Variants in PDZD2 observed in about 807,000 individuals in gnomAD.
PDZD2 encodes PDZ domain-containing protein 2.
In PDZD2, 90 loss-of-function variants were observed where a neutral mutation model predicts 220.7. The observed-to-expected ratio is 0.41, with a 90% CI of 0.34 to 0.49. The LOEUF (loss-of-function observed/expected upper bound fraction) is 0.49, where lower values mean the gene tolerates loss of function less well. Among genes scored for constraint, PDZD2 ranks in the 20% least tolerant of loss-of-function variants. The pLI is 0.28. For synonymous variants in PDZD2, 1,375 were observed against 1,450.5 expected (o/e 0.95, Z 1.18); for missense variants, 3,174 against 3,608.5 (o/e 0.88, Z 3.08).
chr5:32,024,195 C>T (rs1754439470), intron 6 of PDZD2, among the ~76,000 whole-genome samples: 1 of 152,222 alleles, frequency 6.6e-6, no homozygotes, highest in East Asian at 1.9e-4. Flanking sequence ...AAGGAAAAGT[C>T]ATATGCTGAG....
chr5:31,764,556 G>T (rs908916114), intron 1 of PDZD2, among the ~76,000 whole-genome samples: 1 of 152,124 alleles, frequency 6.6e-6, no homozygotes, highest in African/African-American at 2.4e-5. Context: ...GAGTGTTCGG[G>T]AAATCTGATG....
intron 24 of PDZD2, among the ~76,000 whole-genome samples, chr5:32,101,914 C>G (rs1744288072): frequency 6.6e-6 from 1 of 152,112 alleles, no homozygotes; most frequent in Admixed American, 6.5e-5. Flanking sequence ...TGTAATTATA[C>G]TTGCAAATAG....
chr5:32,081,076 T>TA (rs34533191), intron 19 of PDZD2, among the ~76,000 whole-genome samples: 4,641 of 142,878 alleles, frequency 0.032, 106 homozygotes, highest in Non-Finnish European at 0.052. Flanking sequence ...TCCCAGAACT[T>TA]AAAAAAAAAA....
chr5:31,916,252 C>T (rs547359351), intron 2 of PDZD2, among the ~76,000 whole-genome samples: 41 of 152,326 alleles, frequency 2.7e-4, no homozygotes, highest in South Asian at 2.3e-3. Flanking sequence ...TTGCCCTGCC[C>T]GGAGCAGGCT....
At chr5:31,896,633 C>G (rs575999098) in intron 2 of PDZD2, among the ~76,000 whole-genome samples, 2 of 152,074 alleles carry the variant, frequency 1.3e-5, no homozygotes, top group South Asian at 2.1e-4. Context: ...GAGATACATA[C>G]GAATTTTTAA....
intron 2 of PDZD2, among the ~76,000 whole-genome samples, chr5:31,827,711 A>T (rs1318048805): frequency 3.4e-5 from 4 of 117,988 alleles, no homozygotes; most frequent in African/African-American, 1.2e-4. Flanking sequence ...AAATAAATAA[A>T]AAAATAAAAA....
intron 2 of PDZD2, among the ~76,000 whole-genome samples, chr5:31,845,452 G>A (rs1392252574): frequency 2.6e-5 from 4 of 152,230 alleles, no homozygotes; most frequent in Non-Finnish European, 5.9e-5. Context: ...TGTGAACCAA[G>A]TAAGTTTCAG....
At chr5:31,886,141 C>T (rs1384965497) in intron 2 of PDZD2, among the ~76,000 whole-genome samples, 17 of 152,202 alleles carry the variant, frequency 1.1e-4, no homozygotes, top group East Asian at 3.9e-4. Context: ...TTAGTTGATC[C>T]GCCTGTCTTG....
At chr5:31,774,220 T>C (rs1438024668) in intron 1 of PDZD2, among the ~76,000 whole-genome samples, 1 of 151,868 alleles carries the variant, frequency 6.6e-6, no homozygotes. Flanking sequence ...TGTGGGTAGG[T>C]GGGTAGTTCA....
intron 2 of PDZD2, among the ~76,000 whole-genome samples, chr5:31,934,469 C>G (rs1421173160): frequency 6.6e-6 from 1 of 152,062 alleles, no homozygotes; most frequent in Non-Finnish European, 1.5e-5. Context: ...TTTCTGTCTT[C>G]TTTATCTCAT....
At chr5:31,865,058 A>G (rs953004553) in intron 2 of PDZD2, among the ~76,000 whole-genome samples, 1 of 151,592 alleles carries the variant, frequency 6.6e-6, no homozygotes, top group Non-Finnish European at 1.5e-5. Context: ...CTTGTTAGCC[A>G]GGATGGTCTC....
Position 32,059,300 on chromosome 5 carries a change from C to T in PDZD2, c.2262C>T (p.Gly754=), listed in dbSNP as rs1261292469. 3.7e-6 allele frequency: 6 copies of T among 1,613,422 alleles called. No individual in the cohort carries two copies. The highest frequency in any genetic ancestry group is 3.3e-5 in the Admixed American group (2 of 59,996). Residue 754 remains glycine (G), a synonymous_variant, in exon 13 of 25, where the codon GGC becomes GGT. Coordinates refer to ENST00000438447, the MANE Select transcript of PDZD2 (RefSeq NM_178140.4). ...TGGCTCTGGAAAACAGTCCTCCTGG[C>T]ATCTACATTCACAGCCTTGCTCCAG... ...CCLALENSPP[G]IYIHSLAPGS...
intron 1 of PDZD2, among the ~76,000 whole-genome samples, chr5:31,690,428 A>C (rs1747071326): frequency 6.6e-6 from 1 of 152,136 alleles, no homozygotes; most frequent in Non-Finnish European, 1.5e-5. Context: ...TGGAGCTGCA[A>C]TGACAAATTT....
rs543965922 is a variant in PDZD2 at position 31,763,443 on chromosome 5, C to CA, written c.-360-35442dup. ...AAATAAAGAAACTCATGAACCTCAA[C>CA]AAAATAACCACCTACCGCAAGGACA... On this transcript the variant is annotated intron_variant, in intron 1 of 24. Coordinates refer to ENST00000438447, the MANE Select transcript of PDZD2 (RefSeq NM_178140.4). Among the ~76,000 whole-genome samples, 312 of 152,218 alleles carry CA rather than the reference C, an allele frequency of 2.0e-3. 1 individual carries two copies. The highest frequency in any genetic ancestry group is 3.3e-3 in the Non-Finnish European group (224 of 68,020).
intron 10 of PDZD2, among the ~76,000 whole-genome samples, chr5:32,055,355 C>T (rs1456702681): frequency 1.3e-5 from 2 of 152,054 alleles, no homozygotes; most frequent in East Asian, 3.9e-4. Context: ...GTGTGCACCA[C>T]TGTGCCCAGC....
At position 32,090,010 on chromosome 5, in the gene PDZD2, T is replaced by C. The variant is rs368905022; in HGVS notation, c.6562T>C (p.Ser2188Pro). Residue 2188 changes from serine (S) to proline (P), a missense_variant, in exon 20 of 25, where the codon TCA becomes CCA. Ser to Pro is a moderately conservative substitution (Grantham distance 74, BLOSUM62 -1). Coordinates refer to ENST00000438447, the MANE Select transcript of PDZD2 (RefSeq NM_178140.4). The surrounding 1 kb of genome is among the most constrained non-coding windows in gnomAD (Gnocchi z 4.3). ...IRKAEYSQGK[S>P]SLMSDSRGVP... ...AAAGGCAGAATACTCCCAGGGAAAA[T>C]CAAGCCTGATGTCAGACTCCCGAGG... 1.2e-6 allele frequency: 2 copies of C among 1,605,124 alleles called. No individual in the cohort carries two copies.
At chr5:31,967,380 G>A (rs1299081640) in intron 2 of PDZD2, among the ~76,000 whole-genome samples, 1 of 152,154 alleles carries the variant, frequency 6.6e-6, no homozygotes, top group Admixed American at 6.5e-5. Context: ...TGCACTATGC[G>A]GGCTTGAGGA....
chr5:31,811,991 AAAATAAATAAAT>A (rs369835690), intron 2 of PDZD2, among the ~76,000 whole-genome samples: 10,115 of 138,786 alleles, frequency 0.073, 898 homozygotes, highest in African/African-American at 0.22. Context: ...CTCTGTCTCA[AAAATAAATAAAT>A]AAATAAATAA....
chr5:31,766,208 C>T (rs1375996322), intron 1 of PDZD2, among the ~76,000 whole-genome samples: 3 of 152,034 alleles, frequency 2.0e-5, no homozygotes, highest in African/African-American at 7.2e-5. Flanking sequence ...AAAATTCTGC[C>T]TGATTGGTTT....
Sources: gnomAD v4.1 joint callset for allele counts (sites outside exome capture counted in the v4.1 genomes callset) on GRCh38, gnomAD v4.1.1 for gene constraint, Gnocchi (gnomAD v3.1) non-coding constraint, MANE v1.5 for transcripts, NCBI Gene and HGNC (gene_info 2026-07-23, HGNC 2026-07-21) for gene names.